HORMAD2: variants seen among roughly 807,000 people sequenced by gnomAD.
HORMAD2 encodes HORMA domain-containing protein 2.
Under a neutral mutation model 38.8 loss-of-function variants are expected in HORMAD2, and 45 were observed. That is an observed-to-expected ratio of 1.16 (90% CI 0.91 to 1.49). The LOEUF is 1.49. HORMAD2 is among the 40% of genes most tolerant of loss of function. The pLI, the probability that HORMAD2 is intolerant of heterozygous loss-of-function variation, is 0.00. For synonymous variants in HORMAD2, 126 were observed against 122.8 expected, an observed-to-expected ratio of 1.03 and a Z score of -0.17; for missense variants, 338 against 367.0, an observed-to-expected ratio of 0.92 and a Z score of 0.65.
intron 10 of HORMAD2, among the ~76,000 whole-genome samples, chr22:30,140,155 T>G (rs533407576): frequency 6.6e-6 from 1 of 152,112 alleles, no homozygotes; most frequent in Non-Finnish European, 1.5e-5. Context: ...TCCCAGCTAC[T>G]TGGGGGGCTG....
the HORMAD2 span, among the ~76,000 whole-genome samples, chr22:30,201,062 T>C: frequency 6.6e-6 from 1 of 152,082 alleles, no homozygotes; most frequent in Non-Finnish European, 1.5e-5. Context: ...AAATGTATTC[T>C]TTTACAGTTC....
chr22:30,126,413 C>T (rs982408242), intron 10 of HORMAD2, among the ~76,000 whole-genome samples: 6 of 152,100 alleles, frequency 3.9e-5, no homozygotes, highest in African/African-American at 7.2e-5. Context: ...TTGATCAGCC[C>T]GCCTCGGCCT....
chr22:30,148,467 TA>T (rs1209644449), intron 10 of HORMAD2, among the ~76,000 whole-genome samples: 1 of 152,162 alleles, frequency 6.6e-6, no homozygotes, highest in Non-Finnish European at 1.5e-5. Flanking sequence ...GTTTCAAGGA[TA>T]TATACATTTA....
intron 10 of HORMAD2, among the ~76,000 whole-genome samples, chr22:30,142,013 G>A (rs1924112996): frequency 6.6e-6 from 1 of 152,140 alleles, no homozygotes; most frequent in South Asian, 2.1e-4. Flanking sequence ...ACTTTGAGAG[G>A]CTGAGGCAAG....
intron 10 of HORMAD2, chr22:30,136,945 G>T: frequency 1.9e-6 from 1 of 537,650 alleles, no homozygotes; most frequent in South Asian, 2.2e-5. Context: ...TGCACCTCTT[G>T]GGTCATGATT....
At chr22:30,121,546 A>T in intron 8 of HORMAD2, 86 bp from the exon 9 acceptor site, 2 of 1,017,282 alleles carry the variant, frequency 2.0e-6, no homozygotes, top group Non-Finnish European at 2.7e-6. Context: ...ATTTATATTT[A>T]CTCACATAGT....
chr22:30,116,736 T>C (rs1375299066), intron 7 of HORMAD2, among the ~76,000 whole-genome samples: 1 of 152,212 alleles, frequency 6.6e-6, no homozygotes, highest in Non-Finnish European at 1.5e-5. Flanking sequence ...CTTTTATTAG[T>C]TGCTTCAGGG....
intron 7 of HORMAD2, 80 bp from the exon 8 acceptor site, chr22:30,118,900 G>T: frequency 1.1e-6 from 1 of 912,012 alleles, no homozygotes; most frequent in Non-Finnish European, 1.7e-6. Context: ...CAGTGAAAAT[G>T]TTCCTTACTT....
At chr22:30,157,385 A>G (rs1431806136) in intron 10 of HORMAD2, among the ~76,000 whole-genome samples, 1 of 151,998 alleles carries the variant, frequency 6.6e-6, no homozygotes, top group Admixed American at 6.6e-5. Context: ...CTCTTTACAG[A>G]CATTATGTCA....
intron 10 of HORMAD2, among the ~76,000 whole-genome samples, chr22:30,152,630 C>G (rs1198786738): frequency 6.6e-6 from 1 of 152,196 alleles, no homozygotes; most frequent in Non-Finnish European, 1.5e-5. Flanking sequence ...CACACCCAAC[C>G]TTGATCTTTT....
intron 5 of HORMAD2, among the ~76,000 whole-genome samples, chr22:30,106,747 T>G (rs1222471003): frequency 6.6e-6 from 1 of 152,202 alleles, no homozygotes; most frequent in Non-Finnish European, 1.5e-5. Context: ...AACCTACCTT[T>G]TGGTACCTTA....
chr22:30,166,546 C>T (rs1367988045), intron 10 of HORMAD2, among the ~76,000 whole-genome samples: 1 of 152,128 alleles, frequency 6.6e-6, no homozygotes, highest in Non-Finnish European at 1.5e-5. Context: ...TAACTGAACA[C>T]TTTTGTAAGT....
Position 30,122,226 on chromosome 22 carries a change from C to T in HORMAD2, c.819+12C>T. ...AATGCAATGACCATGTAAGGCAAAG[C>T]TTTAGAGATTTTCTATCGTGTCAGT... On this transcript the variant is annotated intron_variant, in intron 10 of 10. Transcript: ENST00000336726. 1 of 1,595,860 alleles carries T rather than the reference C, an allele frequency of 6.3e-7. No homozygotes were observed. The highest frequency in any genetic ancestry group is 8.5e-7 in the Non-Finnish European group (1 of 1,169,656).
At chr22:30,094,260 G>GAAAT in intron 2 of HORMAD2, among the ~76,000 whole-genome samples, 1 of 152,160 alleles carries the variant, frequency 6.6e-6, no homozygotes. Flanking sequence ...TAGAGTAAAA[G>GAAAT]AAATCAGAAA....
At chr22:30,115,441 T>C (rs1321032906) in intron 7 of HORMAD2, among the ~76,000 whole-genome samples, 1 of 152,174 alleles carries the variant, frequency 6.6e-6, no homozygotes, top group Non-Finnish European at 1.5e-5. Flanking sequence ...CTCATAAACT[T>C]AACTATAAGT....
chr22:30,177,686 G>A (rs893270078), downstream of HORMAD2, among the ~76,000 whole-genome samples: 1 of 150,086 alleles, frequency 6.7e-6, no homozygotes, highest in African/African-American at 2.4e-5. Context: ...ATCAGTAAAG[G>A]CTATAGGAGA....
upstream of HORMAD2, among the ~76,000 whole-genome samples, chr22:30,079,212 C>T (rs2068428425): frequency 6.6e-6 from 1 of 151,964 alleles, no homozygotes; most frequent in Non-Finnish European, 1.5e-5. Context: ...TGGGGAGGTT[C>T]ATGGGACTCC....
intron 10 of HORMAD2, among the ~76,000 whole-genome samples, chr22:30,146,995 G>A (rs1166766002): frequency 6.6e-6 from 1 of 152,114 alleles, no homozygotes; most frequent in Admixed American, 6.5e-5. Context: ...CATATGCCAA[G>A]ATGTGTACAA....
the HORMAD2 span, among the ~76,000 whole-genome samples, chr22:30,198,173 C>G: frequency 6.6e-6 from 1 of 152,056 alleles, no homozygotes; most frequent in Non-Finnish European, 1.5e-5. Flanking sequence ...AACACTTGCT[C>G]TGTCTCAAAA....
Sources: gnomAD v4.1 joint callset for allele counts (sites outside exome capture counted in the v4.1 genomes callset) on GRCh38, gnomAD v4.1.1 for gene constraint, MANE v1.5 for transcripts, NCBI Gene and HGNC (gene_info 2026-07-23, HGNC 2026-07-21) for gene names.